Variants in CIMAP1D observed in about 807,000 individuals in gnomAD.
CIMAP1D encodes protein CIMAP1D.
At chr19:479,914 T>C in the CIMAP1D span, among the ~76,000 whole-genome samples, 1 of 152,264 alleles carries the variant, frequency 6.6e-6, no homozygotes, top group Admixed American at 6.5e-5. Flanking sequence ...AGTTTTTATT[T>C]CTATTTAAAA....
chr19:472,650 G>A, the CIMAP1D span: 12 of 532,806 alleles, frequency 2.3e-5, no homozygotes, highest in African/African-American at 1.2e-4. Context: ...GCTGCCCGTC[G>A]GGGACAAAAT....
the CIMAP1D span, chr19:474,595 A>G: frequency 2.0e-6 from 3 of 1,490,834 alleles, no homozygotes; most frequent in Non-Finnish European, 2.7e-6. Context: ...AAAAGGTCCC[A>G]CCCATCCCCC....
the CIMAP1D span, among the ~76,000 whole-genome samples, chr19:487,601 C>T: frequency 6.6e-6 from 1 of 151,990 alleles, no homozygotes; most frequent in Non-Finnish European, 1.5e-5. Flanking sequence ...GCTCAGGAGG[C>T]GGAGGTTGCA....
the CIMAP1D span, among the ~76,000 whole-genome samples, chr19:471,427 G>C: frequency 2.7e-5 from 4 of 150,068 alleles, no homozygotes; most frequent in East Asian, 2.0e-4. Context: ...GGATTACAGG[G>C]GTGAGCCACT....
chr19:465,678 C>T, the CIMAP1D span, among the ~76,000 whole-genome samples: 101,334 of 120,640 alleles, frequency 0.84, 42,074 homozygotes, highest in East Asian at 0.99. Context: ...GATGGATGGG[C>T]AGATAGATGG....
the CIMAP1D span, among the ~76,000 whole-genome samples, chr19:484,209 T>C: frequency 6.6e-6 from 1 of 150,996 alleles, no homozygotes; most frequent in African/African-American, 2.4e-5. Context: ...GGCGCGATCT[T>C]GGCTCACCAC....
At chr19:469,607 T>G in the CIMAP1D span, among the ~76,000 whole-genome samples, 21 of 151,954 alleles carry the variant, frequency 1.4e-4, no homozygotes. Context: ...GGAGAATCAC[T>G]TGAACCCCGG....
chr19:470,370 CTAAT>C, the CIMAP1D span, among the ~76,000 whole-genome samples: 19 of 68,378 alleles, frequency 2.8e-4, no homozygotes, highest in South Asian at 9.7e-3. Context: ...CCACGCCCGG[CTAAT>C]TTTTTTTTTT....
At chr19:491,611 C>A in the CIMAP1D span, among the ~76,000 whole-genome samples, 1 of 151,848 alleles carries the variant, frequency 6.6e-6, no homozygotes, top group African/African-American at 2.4e-5. Flanking sequence ...CTCGCCGCTT[C>A]CCCAGGCAGA....
chr19:488,393 G>A, the CIMAP1D span, among the ~76,000 whole-genome samples: 1 of 152,020 alleles, frequency 6.6e-6, no homozygotes, highest in Non-Finnish European at 1.5e-5. Flanking sequence ...GTGGTGGCAG[G>A]CGCCTGTAGT....
the CIMAP1D span, among the ~76,000 whole-genome samples, chr19:469,913 C>A: frequency 6.6e-6 from 1 of 152,124 alleles, no homozygotes; most frequent in Non-Finnish European, 1.5e-5. Flanking sequence ...TGGCTCAGTG[C>A]CCCGTGAGAA....
the CIMAP1D span, among the ~76,000 whole-genome samples, chr19:481,632 T>C: frequency 4.1e-5 from 6 of 146,624 alleles, no homozygotes; most frequent in Non-Finnish European, 7.5e-5. Flanking sequence ...AGAAGGATGA[T>C]TGGAGGATGA....
the CIMAP1D span, among the ~76,000 whole-genome samples, chr19:490,888 C>G: frequency 1.3e-5 from 2 of 152,268 alleles, no homozygotes; most frequent in African/African-American, 4.8e-5. Context: ...CACCTGAGGT[C>G]AGGCGTTTGA....
chr19:484,824 G>C, the CIMAP1D span, among the ~76,000 whole-genome samples: 3 of 152,198 alleles, frequency 2.0e-5, no homozygotes, highest in Admixed American at 6.5e-5. Flanking sequence ...GAGGACACAG[G>C]GTTTTACCCT....
chr19:479,564 C>T, the CIMAP1D span, among the ~76,000 whole-genome samples: 1 of 151,902 alleles, frequency 6.6e-6, no homozygotes, highest in Admixed American at 6.5e-5. Flanking sequence ...GCAACCACGC[C>T]CGGCTAATTT....
At chr19:466,363 T>A in the CIMAP1D span, among the ~76,000 whole-genome samples, 3 of 28,560 alleles carry the variant, frequency 1.1e-4, no homozygotes, top group South Asian at 1.5e-3. Flanking sequence ...GATGGGTGGG[T>A]GGGTGGGTGG....
chr19:476,355 T>A, the CIMAP1D span, among the ~76,000 whole-genome samples: 1 of 151,632 alleles, frequency 6.6e-6, no homozygotes, highest in African/African-American at 2.4e-5. Context: ...GCCCAGCCAA[T>A]TTTTTTGTAT....
At chr19:491,286 A>T in the CIMAP1D span, among the ~76,000 whole-genome samples, 2 of 152,182 alleles carry the variant, frequency 1.3e-5, no homozygotes, top group Admixed American at 6.5e-5. Flanking sequence ...AAAAAAAAGA[A>T]GGCTTTTAAA....
At chr19:488,846 G>A in the CIMAP1D span, among the ~76,000 whole-genome samples, 11 of 152,270 alleles carry the variant, frequency 7.2e-5, no homozygotes, top group East Asian at 1.7e-3. Flanking sequence ...CTCGCGGCGG[G>A]GACGCCCCCT....
Sources: allele counts gnomAD v4.1 joint callset (sites outside exome capture counted in the v4.1 genomes callset), GRCh38; gene constraint gnomAD v4.1.1; transcripts MANE v1.5; gene names NCBI Gene and HGNC (gene_info 2026-07-23, HGNC 2026-07-21).